RIGI: variants seen among roughly 807,000 people sequenced by gnomAD.
RIGI encodes RNA sensor RIG-I, also known as antiviral innate immune response receptor RIG-I.
the RIGI span, among the ~76,000 whole-genome samples, chr9:32,494,293 T>C: frequency 6.6e-6 from 1 of 152,172 alleles, no homozygotes; most frequent in African/African-American, 2.4e-5. Context: ...GTTTATTAAG[T>C]ATCTTCTCAG....
the RIGI span, among the ~76,000 whole-genome samples, chr9:32,501,570 A>G: frequency 6.6e-6 from 1 of 152,132 alleles, no homozygotes; most frequent in Admixed American, 6.5e-5. Flanking sequence ...TTGGGAGAAA[A>G]TTATCTACCA....
At chr9:32,483,514 TC>T in the RIGI span, among the ~76,000 whole-genome samples, 1 of 152,156 alleles carries the variant, frequency 6.6e-6, no homozygotes, top group African/African-American at 2.4e-5. Context: ...CGTCTCTCCA[TC>T]CTTCTGCTAC....
chr9:32,500,274 T>C, the RIGI span, among the ~76,000 whole-genome samples: 4 of 152,226 alleles, frequency 2.6e-5, no homozygotes, highest in African/African-American at 9.6e-5. Flanking sequence ...GTATGTAGGA[T>C]TTTTATTAGA....
chr9:32,485,115 A>G, the RIGI span: 1 of 1,235,826 alleles, frequency 8.1e-7, no homozygotes. Flanking sequence ...AAAAGACGAT[A>G]GTGAACAATA....
the RIGI span, chr9:32,489,002 T>C: frequency 1.2e-6 from 1 of 832,672 alleles, no homozygotes; most frequent in East Asian, 2.9e-5. Flanking sequence ...TAATTGATAA[T>C]TTAAATATGT....
the RIGI span, among the ~76,000 whole-genome samples, chr9:32,486,932 G>A: frequency 1.3e-5 from 2 of 152,214 alleles, no homozygotes; most frequent in African/African-American, 4.8e-5. Flanking sequence ...ACTACTCAGA[G>A]AGCAAGGGTG....
At chr9:32,456,802 A>G in the RIGI span, 5 of 205,794 alleles carry the variant, frequency 2.4e-5, no homozygotes. Context: ...AAAATTCCCA[A>G]CATTCCATTC....
At chr9:32,476,936 A>T in the RIGI span, 4 of 1,493,306 alleles carry the variant, frequency 2.7e-6, no homozygotes, top group African/African-American at 4.2e-5. Flanking sequence ...CTTTTCAATG[A>T]ATAGTGCTGG....
the RIGI span, among the ~76,000 whole-genome samples, chr9:32,460,011 A>T: frequency 6.6e-6 from 1 of 152,156 alleles, no homozygotes. Flanking sequence ...CCCACGTGTT[A>T]TGGGAGGGAC....
chr9:32,491,546 C>G, the RIGI span: 1 of 664,194 alleles, frequency 1.5e-6, no homozygotes, highest in Non-Finnish European at 2.4e-6. Context: ...CACAACCACT[C>G]CCCTTCACCT....
the RIGI span, among the ~76,000 whole-genome samples, chr9:32,466,676 A>G: frequency 8.4e-6 from 1 of 119,262 alleles, no homozygotes; most frequent in Non-Finnish European, 1.6e-5. Context: ...TGGGTGACAG[A>G]GCAAGACCTA....
chr9:32,500,810 T>C, the RIGI span: 5 of 1,612,302 alleles, frequency 3.1e-6, no homozygotes, highest in Admixed American at 3.4e-5. Flanking sequence ...CTAACCTGCA[T>C]GGTCTAGGGC....
the RIGI span, among the ~76,000 whole-genome samples, chr9:32,460,774 G>GA: frequency 0.21 from 31,166 of 150,328 alleles, 3,271 homozygotes; most frequent in African/African-American, 0.25. Context: ...ATACACTGGG[G>GA]AAAAAAAAAG....
chr9:32,464,074 T>G, the RIGI span, among the ~76,000 whole-genome samples: 2 of 151,432 alleles, frequency 1.3e-5, no homozygotes, highest in African/African-American at 4.9e-5. Context: ...AGTGCTCTAG[T>G]GACAGCAGGC....
the RIGI span, among the ~76,000 whole-genome samples, chr9:32,484,110 T>C: frequency 2.0e-5 from 3 of 152,166 alleles, no homozygotes; most frequent in African/African-American, 4.8e-5. Flanking sequence ...GAATATAACA[T>C]TGGAAAGATA....
At chr9:32,515,382 T>C in the RIGI span, among the ~76,000 whole-genome samples, 7 of 152,058 alleles carry the variant, frequency 4.6e-5, no homozygotes, top group Middle Eastern at 0.01. Context: ...TTTCTTCATC[T>C]GAGAAATATG....
At chr9:32,523,037 T>A in the RIGI span, among the ~76,000 whole-genome samples, 1 of 152,212 alleles carries the variant, frequency 6.6e-6, no homozygotes, top group East Asian at 1.9e-4. Context: ...TCATTTATCA[T>A]GATTGCTTCC....
chr9:32,499,316 G>GTTTTTTTTT, the RIGI span, among the ~76,000 whole-genome samples: 108 of 57,620 alleles, frequency 1.9e-3, 2 homozygotes, highest in African/African-American at 3.5e-3. Context: ...TTTGTGATTT[G>GTTTTTTTTT]TTTTTTTTTT....
At chr9:32,480,273 C>T in the RIGI span, 1 of 1,611,914 alleles carries the variant, frequency 6.2e-7, no homozygotes, top group Non-Finnish European at 8.5e-7. Context: ...GCTGCTCGGA[C>T]ATTGCTGAAG....
Sources: gnomAD v4.1 joint callset for allele counts (sites outside exome capture counted in the v4.1 genomes callset) on GRCh38, gnomAD v4.1.1 for gene constraint, MANE v1.5 for transcripts, NCBI Gene and HGNC (gene_info 2026-07-23, HGNC 2026-07-21) for gene names.